CDKAL1: variants seen among roughly 807,000 people sequenced by gnomAD.
The protein encoded by CDKAL1 is threonylcarbamoyladenosine tRNA methylthiotransferase.
A neutral mutation model predicts 68.2 loss-of-function variants in CDKAL1; 32 were observed. The observed-to-expected ratio is 0.47, with a 90% CI of 0.35 to 0.63. The LOEUF (loss-of-function observed/expected upper bound fraction) is 0.63. Ranked by LOEUF, CDKAL1 falls within the 30% of genes least tolerant of loss-of-function variation. The pLI, the probability that CDKAL1 is intolerant of heterozygous loss-of-function variation, is 0.00. For missense variants in CDKAL1, 606 were observed against 696.7 expected (o/e 0.87, Z 1.47); for synonymous variants, 234 against 244.3 (o/e 0.96, Z 0.39).
intron 4 of CDKAL1, among the ~76,000 whole-genome samples, chr6:20,571,885 T>C (rs9465812): frequency 0.025 from 3,730 of 152,230 alleles, 134 homozygotes; most frequent in African/African-American, 0.077. Context: ...AAAATGTCTT[T>C]GGTATAAGTC....
intron 4 of CDKAL1, among the ~76,000 whole-genome samples, chr6:20,563,226 TCCATGAGGAAG>T (rs1289937392): frequency 1.3e-5 from 2 of 152,184 alleles, no homozygotes; most frequent in African/African-American, 4.8e-5. Flanking sequence ...TTTTTTTCTC[TCCATGAGGAAG>T]TTCATTATTA....
At chr6:20,896,100 T>TTC (rs1761671828) in intron 9 of CDKAL1, among the ~76,000 whole-genome samples, 1 of 101,624 alleles carries the variant, frequency 9.8e-6, no homozygotes, top group African/African-American at 3.1e-5. Flanking sequence ...TTTCTTTTCT[T>TTC]TTCTTTTTTT....
At chr6:20,881,446 T>C (rs1760814581) in intron 9 of CDKAL1, among the ~76,000 whole-genome samples, 1 of 152,260 alleles carries the variant, frequency 6.6e-6, no homozygotes, top group African/African-American at 2.4e-5. Context: ...ATGCTTGTTA[T>C]TGAGAACTGA....
intron 8 of CDKAL1, among the ~76,000 whole-genome samples, chr6:20,786,299 T>C (rs753126025): frequency 1.3e-5 from 2 of 152,056 alleles, no homozygotes; most frequent in Non-Finnish European, 2.9e-5. Flanking sequence ...AAATTTCAGA[T>C]TGTATAAATT....
chr6:20,696,907 G>C (rs1307026313), intron 5 of CDKAL1, among the ~76,000 whole-genome samples: 1 of 152,046 alleles, frequency 6.6e-6, no homozygotes, highest in East Asian at 1.9e-4. Flanking sequence ...ATGTTCACTT[G>C]TAATGAATTT....
intron 5 of CDKAL1, among the ~76,000 whole-genome samples, chr6:20,689,779 A>G (rs1230178042): frequency 3.3e-5 from 5 of 152,222 alleles, no homozygotes; most frequent in African/African-American, 1.2e-4. Flanking sequence ...CCAAAAAAAT[A>G]GAGAGGTATT....
At chr6:21,071,769 T>C (rs1771779701) in intron 12 of CDKAL1, among the ~76,000 whole-genome samples, 1 of 152,206 alleles carries the variant, frequency 6.6e-6, no homozygotes, top group Non-Finnish European at 1.5e-5. Context: ...AGGTAAGAAC[T>C]GATTATTTTA....
chr6:20,780,874 A>G (rs1391319843), intron 7 of CDKAL1, among the ~76,000 whole-genome samples: 3 of 151,918 alleles, frequency 2.0e-5, no homozygotes, highest in Non-Finnish European at 4.4e-5. Flanking sequence ...GAGTTTCACC[A>G]TGTTGATCAG....
rs146409875 is a variant in CDKAL1, at chr6:21,062,177, CA to C, written c.1056-2868del. On this transcript the variant is annotated intron_variant, in intron 11 of 15. Coordinates refer to ENST00000274695, the MANE Select transcript of CDKAL1 (RefSeq NM_017774.3). ...GTGGGAATACCCCATAATCTAGTGC[CA>C]AATTTATTCTAATTCATAGCTGAGG... Among the ~76,000 whole-genome samples the C allele has an allele frequency of 4.9e-3, 739 of 152,264 alleles. 1 individual carries two copies. The highest frequency in any genetic ancestry group is 0.014 in the Middle Eastern group (4 of 294).
intron 11 of CDKAL1, among the ~76,000 whole-genome samples, chr6:21,021,873 C>T (rs1270839659): frequency 6.6e-6 from 1 of 152,138 alleles, no homozygotes; most frequent in Non-Finnish European, 1.5e-5. Context: ...ACCTTATGGT[C>T]CTTGTTGCTG....
At chr6:20,986,741 ATTAGAC>A (rs1241240042) in intron 10 of CDKAL1, among the ~76,000 whole-genome samples, 1 of 152,178 alleles carries the variant, frequency 6.6e-6, no homozygotes, top group East Asian at 1.9e-4. Flanking sequence ...AAGTGGTATT[ATTAGAC>A]TTAGAAAAGC....
chr6:20,795,735 A>G (rs1228237814), intron 8 of CDKAL1, among the ~76,000 whole-genome samples: 1 of 152,222 alleles, frequency 6.6e-6, no homozygotes, highest in African/African-American at 2.4e-5. Flanking sequence ...TTAAAAAGAA[A>G]CATAAACAAA....
At chr6:20,650,735 G>A (rs1265755639) in intron 5 of CDKAL1, among the ~76,000 whole-genome samples, 6 of 152,098 alleles carry the variant, frequency 3.9e-5, no homozygotes, top group Admixed American at 6.5e-5. Flanking sequence ...TTTGTATAAG[G>A]TATAAGGAAG....
chr6:21,195,792 G>T (rs1372514654), intron 13 of CDKAL1, among the ~76,000 whole-genome samples: 1 of 152,086 alleles, frequency 6.6e-6, no homozygotes, highest in Non-Finnish European at 1.5e-5. Context: ...TTACAGGCAT[G>T]AGCCACCGGG....
chr6:20,913,933 T>C (rs1313443938), intron 9 of CDKAL1, among the ~76,000 whole-genome samples: 1 of 152,158 alleles, frequency 6.6e-6, no homozygotes, highest in Non-Finnish European at 1.5e-5. Context: ...TGAGGTTACA[T>C]TGAGCTATGA....
chr6:21,001,625 T>C (rs764176011), intron 11 of CDKAL1, among the ~76,000 whole-genome samples: 4 of 152,256 alleles, frequency 2.6e-5, no homozygotes, highest in Non-Finnish European at 4.4e-5. Context: ...CCCTTTTTAA[T>C]ACTTTCAAAT....
intron 6 of CDKAL1, among the ~76,000 whole-genome samples, chr6:20,746,231 C>T (rs1173587106): frequency 6.6e-6 from 1 of 152,166 alleles, no homozygotes; most frequent in Non-Finnish European, 1.5e-5. Context: ...ATTAGTCACT[C>T]ACTGGTACTA....
intron 7 of CDKAL1, among the ~76,000 whole-genome samples, chr6:20,770,553 C>T (rs762513962): frequency 1.5e-4 from 23 of 152,120 alleles, no homozygotes; most frequent in Non-Finnish European, 2.9e-4. Context: ...CTTTAACAGA[C>T]CATGCCCAAC....
chr6:20,557,312 T>A (rs930382161), intron 4 of CDKAL1, among the ~76,000 whole-genome samples: 1 of 152,006 alleles, frequency 6.6e-6, no homozygotes, highest in Admixed American at 6.5e-5. Context: ...CCTGGAATTA[T>A]AGTGCAAGTA....
Sources: gnomAD v4.1 joint callset for allele counts (sites outside exome capture counted in the v4.1 genomes callset) on GRCh38, gnomAD v4.1.1 for gene constraint, MANE v1.5 for transcripts, NCBI Gene and HGNC (gene_info 2026-07-23, HGNC 2026-07-21) for gene names.